The following MEGF8 variants were observed in gnomAD, a reference collection of about 807,000 sequenced individuals.
MEGF8 encodes the protein multiple epidermal growth factor-like domains protein 8.
In MEGF8, 156 loss-of-function variants were observed where a neutral mutation model predicts 302.9. The ratio of observed to expected loss-of-function variants is 0.52; its 90% CI spans 0.45 to 0.59. The LOEUF is 0.59. Among genes scored for constraint, MEGF8 ranks in the 20% least tolerant of loss-of-function variants. The pLI is 0.00. For synonymous variants in MEGF8, 1,621 were observed against 1,660.5 expected, an observed-to-expected ratio of 0.98 and a Z score of 0.58; for missense variants, 3,345 against 3,964.5, an observed-to-expected ratio of 0.84 and a Z score of 4.20.
Position 42,376,999 on chromosome 19 carries a change from C to A in MEGF8, c.*224C>A. The A allele has an allele frequency of 2.1e-6, 1 of 465,456 alleles. No individual in the cohort carries two copies. Among genetic ancestry groups the A allele is most frequent in the Non-Finnish European group, 3.6e-6 (1 of 274,172 alleles). 28.8% of individuals were successfully genotyped at this position (465,456 alleles called of 1,614,324 possible). A position where few individuals can be genotyped will look rare whatever the true frequency, so the allele number is the denominator to read the frequency against. Reference sequence around the variant, plus strand: ...CATAGGCGTGGGGCAAAGCAGGAACCAAGAGACGAGGTTCCCTGATCTCAT... The same window carrying A: ...CATAGGCGTGGGGCAAAGCAGGAACAAAGAGACGAGGTTCCCTGATCTCAT... On this transcript the variant is annotated 3_prime_UTR_variant, in exon 42 of 42. Coordinates refer to ENST00000251268, the MANE Select transcript of MEGF8 (RefSeq NM_001271938.2). This position sits in a 1 kb window ranked among gnomAD's most constrained non-coding sequence, Gnocchi z 8.2.
intron 12 of MEGF8, among the ~76,000 whole-genome samples, chr19:42,346,308 G>A (rs578051900): frequency 3.4e-5 from 5 of 149,200 alleles, no homozygotes; most frequent in African/African-American, 9.9e-5. Flanking sequence ...AATTCCGGCC[G>A]AGGTGGGCGG....
chr19:42,372,039 A>AAACAACAACAAC (rs59779006), intron 41 of MEGF8, among the ~76,000 whole-genome samples: 1,840 of 144,672 alleles, frequency 0.013, 39 homozygotes, highest in African/African-American at 0.044. Context: ...CTCTGTCTCA[A>AAACAACAACAAC]AACAACAACA....
Position 42,352,926 on chromosome 19 carries a change from A to G in MEGF8, c.3351-2A>G. ...TTCCCCACCCCCAACACGGCCCCTC[A>G]GGTGCTTGGAGGACTGTGGCCATGG... On this transcript the variant is annotated splice_acceptor_variant, in intron 19 of 41. Transcript: ENST00000251268. LOFTEE classifies it high-confidence loss of function. The surrounding 1 kb of genome is among the most constrained non-coding windows in gnomAD (Gnocchi z 4.4). 1.3e-6 allele frequency: 2 copies of G among 1,589,306 alleles called. No individual in the cohort carries two copies. Among genetic ancestry groups the G allele is most frequent in the Non-Finnish European group, 1.7e-6 (2 of 1,168,592 alleles).
At chr19:42,348,177 G>A (rs2039317022) in intron 12 of MEGF8, 95 bp from the exon 13 acceptor site, 1 of 1,154,976 alleles carries the variant, frequency 8.7e-7, no homozygotes, top group Non-Finnish European at 1.2e-6. Context: ...TGGTAAAATG[G>A]GGAAGAAGGT....
At position 42,357,080 on chromosome 19, in the gene MEGF8, A is replaced by T; in HGVS notation, c.4830+99A>T. 1 of 1,282,238 alleles carries T rather than the reference A, an allele frequency of 7.8e-7. No individual in the cohort carries two copies. The highest frequency in any genetic ancestry group is 1.5e-5 in the South Asian group (1 of 67,572). 79.4% of individuals were successfully genotyped at this position (1,282,238 alleles called of 1,614,324 possible). A position where few individuals can be genotyped will look rare whatever the true frequency, so the allele number is the denominator to read the frequency against. On this transcript the variant is annotated intron_variant, in intron 27 of 41. Transcript: ENST00000251268. This position sits in a 1 kb window ranked among gnomAD's most constrained non-coding sequence, Gnocchi z 5.2. ...CCAGCTCCATCCCCAGAGGAAACAG[A>T]AGCCCCAAACTTGAATTTCCTCGGC...
chr19:42,337,539 G>T lies in MEGF8; in HGVS notation c.1513+333G>T, dbSNP rs1475035986. On this transcript the variant is annotated intron_variant, in intron 8 of 41. Coordinates refer to ENST00000251268, the MANE Select transcript of MEGF8 (RefSeq NM_001271938.2). ...TTTTTTTTTTTTGAGACGGAGTCTC[G>T]CTGTTGCCCAGGCTGGAGTGCAGTG... Among the ~76,000 whole-genome samples, 9 of 134,720 alleles carry T rather than the reference G, an allele frequency of 6.7e-5. No individual in the cohort carries two copies. The South Asian group carries it at 1.6e-3, about 24-fold the overall frequency. 88.4% of individuals were successfully genotyped at this position (134,720 alleles called of 152,430 possible).
rs941173530 is a variant in MEGF8 at position 42,356,617 on chromosome 19, C to G, written c.4623-157C>G. On this transcript the variant is annotated intron_variant, in intron 26 of 41. Coordinates refer to ENST00000251268, the MANE Select transcript of MEGF8 (RefSeq NM_001271938.2). This position sits in a 1 kb window ranked among gnomAD's most constrained non-coding sequence, Gnocchi z 5.2. Reference sequence around the variant, plus strand: ...AGCTCACCCGGGGACACTTGGGGACCAGGGTACTTATTTGGGTGGTGCTAC... The same window carrying G: ...AGCTCACCCGGGGACACTTGGGGACGAGGGTACTTATTTGGGTGGTGCTAC... Among the ~76,000 whole-genome samples, 2 of 152,116 alleles carry G rather than the reference C, an allele frequency of 1.3e-5. No homozygotes were observed. The highest frequency in any genetic ancestry group is 2.9e-5 in the Non-Finnish European group (2 of 68,002).
intron 35 of MEGF8, among the ~76,000 whole-genome samples, chr19:42,363,601 G>A (rs141499577): frequency 0.019 from 2,942 of 152,042 alleles, 42 homozygotes; most frequent in Non-Finnish European, 0.03. Flanking sequence ...TAATTTTGTC[G>A]ATATAATTCA....
In MEGF8 at chr19:42,336,472, A is replaced by T; in HGVS notation, c.1244+126A>T. 1.0e-6 allele frequency: 1 copy of T among 984,192 alleles called. No individual in the cohort carries two copies. Among genetic ancestry groups the T allele is most frequent in the Non-Finnish European group, 1.4e-6 (1 of 691,690 alleles). The allele number at this position is 984,192 out of a possible 1,614,324, so 61.0% of individuals were successfully genotyped here. A position where few individuals can be genotyped will look rare whatever the true frequency, so the allele number is the denominator to read the frequency against. On this transcript the variant is annotated intron_variant, in intron 6 of 41. Transcript: ENST00000251268. The surrounding 1 kb of genome is among the most constrained non-coding windows in gnomAD (Gnocchi z 4.8). ...TGGTCTCTCAGTCACTCCTTCCTTCATGTATTTACTTATTCCTTCGTTCAC... is the reference window on the plus strand; with the variant it reads ...TGGTCTCTCAGTCACTCCTTCCTTCTTGTATTTACTTATTCCTTCGTTCAC...
Position 42,357,269 on chromosome 19 carries a change from G to C in MEGF8, c.4831-135G>C, listed in dbSNP as rs1402091656. ...TGTGCCTCTGCCAGGACCCAGGCTG[G>C]TCCGACTGGCCCTGGGGGGGTCATT... is the stretch of plus-strand genomic sequence containing the variant. On this transcript the variant is annotated intron_variant, in intron 27 of 41. Transcript: ENST00000251268. The surrounding 1 kb of genome is among the most constrained non-coding windows in gnomAD (Gnocchi z 5.2). 1 of 1,122,866 alleles carries C rather than the reference G, an allele frequency of 8.9e-7. No homozygotes were observed. The highest frequency in any genetic ancestry group is 1.6e-5 in the African/African-American group (1 of 64,166). The allele number at this position is 1,122,866 out of a possible 1,614,324, so 69.6% of individuals were successfully genotyped here.
chr19:42,362,276 C>T, intron 33 of MEGF8, 63 bp downstream of exon 33: 2 of 1,609,466 alleles, frequency 1.2e-6, no homozygotes, highest in Non-Finnish European at 1.7e-6. Context: ...TCCTGGTCTC[C>T]ACTCTGGTCA....
intron 31 of MEGF8, among the ~76,000 whole-genome samples, chr19:42,360,315 A>T (rs1600062579): frequency 4.3e-5 from 6 of 138,066 alleles, no homozygotes; most frequent in African/African-American, 5.4e-5. Context: ...CTTGCTGTCT[A>T]TCCTCATGTG....
At position 42,357,472 on chromosome 19, in the gene MEGF8, G is replaced by C; in HGVS notation, c.4899G>C (p.Leu1633=). The C allele has an allele frequency of 6.2e-7, 1 of 1,613,802 alleles. No individual in the cohort carries two copies. The highest frequency in any genetic ancestry group is 1.7e-5 in the Admixed American group (1 of 60,010). The change falls in exon 28 of 42, where the codon CTG becomes CTC. Residue 1633 remains leucine (L), a synonymous_variant. Coordinates refer to ENST00000251268, the MANE Select transcript of MEGF8 (RefSeq NM_001271938.2). The surrounding 1 kb of genome is among the most constrained non-coding windows in gnomAD (Gnocchi z 5.2). ...HTLTARRGLS[L]LLVGGYSPEN... Reference sequence around the variant, plus strand: ...TTACTGCCCGCCGAGGCCTGTCTCTGCTCCTGGTGGGCGGTTACTCCCCGG... The same window carrying C: ...TTACTGCCCGCCGAGGCCTGTCTCTCCTCCTGGTGGGCGGTTACTCCCCGG...
At chr19:42,350,503 T>A in intron 15 of MEGF8, 119 bp downstream of exon 15, 1 of 892,902 alleles carries the variant, frequency 1.1e-6, no homozygotes, top group South Asian at 1.8e-5. Flanking sequence ...TTGGCCTTGA[T>A]CTGCAGAGCC....
At chr19:42,373,496 G>T (rs1358361609) in intron 41 of MEGF8, among the ~76,000 whole-genome samples, 2 of 151,922 alleles carry the variant, frequency 1.3e-5, no homozygotes, top group African/African-American at 4.8e-5. Flanking sequence ...TGCCTCCCTG[G>T]TTTCCATCAT....
In MEGF8 at chr19:42,356,068, C is replaced by T. The variant is rs751124957; in HGVS notation, c.4393-15C>T. On this transcript the variant is annotated splice_polypyrimidine_tract_variant and intron_variant, in intron 24 of 41. Transcript: ENST00000251268. The surrounding 1 kb of genome is among the most constrained non-coding windows in gnomAD (Gnocchi z 5.2). ...TGGTGATCAGGGCTCCCCTGAGTCCCTTGTCATCCCCCAGAGCCTGGGTGT... is the reference window on the plus strand; with the variant it reads ...TGGTGATCAGGGCTCCCCTGAGTCCTTTGTCATCCCCCAGAGCCTGGGTGT... 1.3e-6 allele frequency: 2 copies of T among 1,589,214 alleles called. No homozygotes were observed. The highest frequency in any genetic ancestry group is 1.7e-6 in the Non-Finnish European group (2 of 1,163,890).
chr19:42,375,636 C>T lies in MEGF8; in HGVS notation c.7399C>T (p.Arg2467Cys), dbSNP rs769273382. 2 of 1,608,830 alleles carry T rather than the reference C, an allele frequency of 1.2e-6. No individual in the cohort carries two copies. Among genetic ancestry groups the T allele is most frequent in the Non-Finnish European group, 8.5e-7 (1 of 1,178,182 alleles). ...GACCAACTGCTTCCATGAGCCCAAA[C>T]GCCGGGCGCTAGGCCCCGGCCGCAC... is the stretch of plus-strand genomic sequence containing the variant. ...SQTNCFHEPK[R>C]RALGPGRTVL... The change falls in exon 42 of 42, where the codon CGC becomes TGC. Residue 2467 changes from arginine (R) to cysteine (C), a missense_variant. Coordinates refer to ENST00000251268, the MANE Select transcript of MEGF8 (RefSeq NM_001271938.2). This position sits in a 1 kb window ranked among gnomAD's most constrained non-coding sequence, Gnocchi z 7.1.
chr19:42,376,820 G>A lies in MEGF8; in HGVS notation c.*45G>A. 3 of 1,417,220 alleles carry A rather than the reference G, an allele frequency of 2.1e-6. No homozygotes were observed. Among genetic ancestry groups the A allele is most frequent in the Non-Finnish European group, 2.8e-6 (3 of 1,089,556 alleles). The allele number at this position is 1,417,220 out of a possible 1,614,324, so 87.8% of individuals were successfully genotyped here. ...CACAGCAGCTGGGTCACCTGATAGG[G>A]CCGCCCTGGACTTGGGGTCCCTCCA... On this transcript the variant is annotated 3_prime_UTR_variant, in exon 42 of 42. Coordinates refer to ENST00000251268, the MANE Select transcript of MEGF8 (RefSeq NM_001271938.2). The surrounding 1 kb of genome is among the most constrained non-coding windows in gnomAD (Gnocchi z 8.2).
Position 42,357,321 on chromosome 19 carries a change from G to A in MEGF8, c.4831-83G>A, listed in dbSNP as rs553208320. The A allele has an allele frequency of 6.7e-7, 1 of 1,500,826 alleles. No individual in the cohort carries two copies. The highest frequency in any genetic ancestry group is 1.2e-5 in the South Asian group (1 of 81,786). The allele number at this position is 1,500,826 out of a possible 1,614,324, so 93.0% of individuals were successfully genotyped here. A position where few individuals can be genotyped will look rare whatever the true frequency, so the allele number is the denominator to read the frequency against. ...CCTCCTTAGTACTTCAGGGAGGACTGTGGGGGGCTGAGGCTCGCTTCTACC... is the reference window on the plus strand; with the variant it reads ...CCTCCTTAGTACTTCAGGGAGGACTATGGGGGGCTGAGGCTCGCTTCTACC... On this transcript the variant is annotated intron_variant, in intron 27 of 41. Transcript: ENST00000251268. This position sits in a 1 kb window ranked among gnomAD's most constrained non-coding sequence, Gnocchi z 5.2.
Sources: gnomAD v4.1 joint callset for allele counts (sites outside exome capture counted in the v4.1 genomes callset) on GRCh38, gnomAD v4.1.1 for gene constraint, Gnocchi (gnomAD v3.1) non-coding constraint, MANE v1.5 for transcripts, NCBI Gene and HGNC (gene_info 2026-07-23, HGNC 2026-07-21) for gene names.